CELA2B: variants seen among roughly 807,000 people sequenced by gnomAD.
CELA2B encodes the protein chymotrypsin-like elastase family member 2B.
Under a neutral mutation model 36.5 loss-of-function variants are expected in CELA2B, and 27 were observed. That is an observed-to-expected ratio of 0.74 (90% CI 0.55 to 1.02). CELA2B has a LOEUF of 1.02. Among genes scored for constraint, CELA2B ranks in the 50% least tolerant of loss-of-function variants. The pLI is 0.00. For missense variants in CELA2B, 340 were observed against 347.8 expected, an observed-to-expected ratio of 0.98 and a Z score of 0.18; for synonymous variants, 143 against 148.5, an observed-to-expected ratio of 0.96 and a Z score of 0.27.
intron 7 of CELA2B, chr1:15,490,865 CAAAA>C (rs34648160): frequency 3.8e-4 from 46 of 120,566 alleles, no homozygotes; most frequent in South Asian, 1.0e-3. Context: ...AAGACTGTCT[CAAAA>C]AAAAAAAAAA....
At chr1:15,476,323 C>A in intron 1 of CELA2B, 134 bp from the exon 2 acceptor site, 1 of 1,396,038 alleles carries the variant, frequency 7.2e-7, no homozygotes, top group Non-Finnish European at 1.0e-6. Flanking sequence ...TTGGAGCAAA[C>A]AGAAGGATTT....
chr1:15,483,720 G>C (rs1708771500), intron 5 of CELA2B, among the ~76,000 whole-genome samples: 3 of 152,202 alleles, frequency 2.0e-5, no homozygotes, highest in Non-Finnish European at 2.9e-5. Flanking sequence ...TTGAGGTCAT[G>C]AGTTTGAGAG....
chr1:15,479,340 T>G (rs891553268), intron 2 of CELA2B, among the ~76,000 whole-genome samples: 2 of 151,028 alleles, frequency 1.3e-5, no homozygotes, highest in African/African-American at 4.9e-5. Context: ...AGGTCAGGAG[T>G]TGGAGACCAG....
At chr1:15,487,042 T>C (rs1708812572) in intron 6 of CELA2B, among the ~76,000 whole-genome samples, 1 of 152,194 alleles carries the variant, frequency 6.6e-6, no homozygotes, top group Non-Finnish European at 1.5e-5. Context: ...CTACGAATAT[T>C]TACCTCATAG....
intron 7 of CELA2B, among the ~76,000 whole-genome samples, chr1:15,490,244 C>G (rs1708862570): frequency 1.4e-5 from 2 of 141,712 alleles, no homozygotes; most frequent in South Asian, 4.4e-4. Flanking sequence ...ATCTATCTAT[C>G]TATCTATCTA....
At chr1:15,478,509 C>T (rs1280128873) in intron 2 of CELA2B, among the ~76,000 whole-genome samples, 1 of 150,984 alleles carries the variant, frequency 6.6e-6, no homozygotes, top group African/African-American at 2.4e-5. Context: ...TCCCAAAGTG[C>T]TGGGATTATA....
intron 2 of CELA2B, among the ~76,000 whole-genome samples, chr1:15,480,869 TACAGGCATGAGCCA>T (rs1209084687): frequency 6.6e-6 from 1 of 151,044 alleles, no homozygotes; most frequent in Non-Finnish European, 1.5e-5. Flanking sequence ...GTGTTCTGAT[TACAGGCATGAGCCA>T]CCATGCCTGG....
At chr1:15,483,619 T>G (rs540942782) in intron 5 of CELA2B, among the ~76,000 whole-genome samples, 1 of 152,302 alleles carries the variant, frequency 6.6e-6, no homozygotes, top group South Asian at 2.1e-4. Flanking sequence ...AAGCTGCACT[T>G]TTCTCATATG....
At chr1:15,485,740 C>A in intron 5 of CELA2B, 161 bp from the exon 6 acceptor site, 3 of 909,516 alleles carry the variant, frequency 3.3e-6, no homozygotes, top group Non-Finnish European at 5.1e-6. Flanking sequence ...GTGGCCAGCA[C>A]ACTAACCAAT....
intron 5 of CELA2B, 159 bp from the exon 6 acceptor site, chr1:15,485,742 C>A (rs1708795524): frequency 2.1e-6 from 2 of 934,590 alleles, no homozygotes; most frequent in African/African-American, 1.6e-5. Context: ...GGCCAGCACA[C>A]TAACCAATCA....
intron 7 of CELA2B, among the ~76,000 whole-genome samples, chr1:15,489,244 C>T (rs1708842281): frequency 6.6e-6 from 1 of 152,202 alleles, no homozygotes; most frequent in Admixed American, 6.5e-5. Flanking sequence ...TCAGCTGTTC[C>T]CAGCATCAGC....
intron 5 of CELA2B, among the ~76,000 whole-genome samples, chr1:15,485,180 CT>C (rs1708790204): frequency 6.6e-6 from 1 of 152,200 alleles, no homozygotes; most frequent in Admixed American, 6.5e-5. Flanking sequence ...ACAGGGTGAG[CT>C]ACCATGCCTG....
intron 2 of CELA2B, among the ~76,000 whole-genome samples, chr1:15,478,108 G>A (rs1708694111): frequency 6.6e-6 from 1 of 151,952 alleles, no homozygotes; most frequent in Non-Finnish European, 1.5e-5. Flanking sequence ...AGACCAGCCT[G>A]GACATGGTGA....
chr1:15,487,777 A>G (rs1463690720), intron 7 of CELA2B, among the ~76,000 whole-genome samples: 3 of 151,838 alleles, frequency 2.0e-5, no homozygotes, highest in Non-Finnish European at 2.9e-5. Flanking sequence ...ATAAATGGGT[A>G]TATGTCTGCA....
intron 4 of CELA2B, among the ~76,000 whole-genome samples, chr1:15,482,705 C>T (rs180927164): frequency 6.6e-6 from 1 of 152,286 alleles, no homozygotes; most frequent in East Asian, 1.9e-4. Context: ...GCTGTCGACC[C>T]TGTGACTGTC....
Position 15,491,305 on chromosome 1 carries a change from A to G in CELA2B, c.803A>G (p.Asn268Ser), listed in dbSNP as rs767529245. The change falls in exon 8 of 8, where the codon AAT becomes AGT. Residue 268 changes from asparagine to serine, a missense_variant. Physicochemically the swap from Asn to Ser is conservative, Grantham distance 46. Coordinates refer to ENST00000375910, the MANE Select transcript of CELA2B (RefSeq NM_015849.3). ...YNDWINSVIANN is the reference protein window; with the variant it reads ...YNDWINSVIASN The stretch of plus-strand genomic sequence containing the variant: ...GTGTGTGTCCTGCAGGTGATTGCAA[A>G]TAACTAACCAAAAGAAGTCCCTGGG... 5 of 1,614,198 alleles carry G rather than the reference A, an allele frequency of 3.1e-6. No individual in the cohort carries two copies. Among genetic ancestry groups the G allele is most frequent in the Non-Finnish European group, 4.2e-6 (5 of 1,180,032 alleles).
intron 7 of CELA2B, among the ~76,000 whole-genome samples, chr1:15,490,603 C>T: frequency 6.6e-6 from 1 of 152,178 alleles, no homozygotes; most frequent in Admixed American, 6.5e-5. Flanking sequence ...CGCGGTGGCT[C>T]ACGCCTGTAA....
chr1:15,481,332 A>G, intron 3 of CELA2B, 137 bp downstream of exon 3: 3 of 1,049,538 alleles, frequency 2.9e-6, no homozygotes, highest in South Asian at 2.6e-5. Flanking sequence ...CACAAGCTGT[A>G]GTCAATCAAT....
chr1:15,476,211 G>A (rs1708667840), intron 1 of CELA2B, 46 bp downstream of exon 1: 1 of 1,613,118 alleles, frequency 6.2e-7, no homozygotes, highest in Admixed American at 1.7e-5. Flanking sequence ...CCCCTGGTGG[G>A]GCTGGAAATG....
Sources: gnomAD v4.1 joint callset for allele counts (sites outside exome capture counted in the v4.1 genomes callset) on GRCh38, gnomAD v4.1.1 for gene constraint, MANE v1.5 for transcripts, NCBI Gene and HGNC (gene_info 2026-07-23, HGNC 2026-07-21) for gene names.